The following BRINP3 variants were observed in gnomAD, a reference collection of about 807,000 sequenced individuals.
BRINP3 encodes the protein BMP/retinoic acid inducible neural specific 3.
Under a neutral mutation model 71.0 loss-of-function variants are expected in BRINP3, and 19 were observed. The ratio of observed to expected loss-of-function variants is 0.27; its 90% CI spans 0.19 to 0.39. BRINP3 has a LOEUF of 0.39. Ranked by LOEUF, BRINP3 falls within the 10% of genes least tolerant of loss-of-function variation. BRINP3 has a pLI of 1.00. For synonymous variants in BRINP3, 380 were observed against 337.7 expected, an observed-to-expected ratio of 1.13 and a Z score of -1.37; for missense variants, 959 against 940.8, an observed-to-expected ratio of 1.02 and a Z score of -0.25.
At chr1:190,206,685 C>T (rs1170792889) in intron 6 of BRINP3, among the ~76,000 whole-genome samples, 2 of 152,000 alleles carry the variant, frequency 1.3e-5, no homozygotes, top group Admixed American at 6.6e-5. Context: ...TCTGTTAATA[C>T]GGCTTTTTGT....
At chr1:190,302,920 T>C (rs972634500) in intron 2 of BRINP3, 1 of 151,784 alleles carries the variant, frequency 6.6e-6, no homozygotes, top group Non-Finnish European at 1.5e-5. Flanking sequence ...ATGATAATAA[T>C]AATAATCTTT....
intron 2 of BRINP3, among the ~76,000 whole-genome samples, chr1:190,347,277 A>G (rs1417896363): frequency 6.6e-6 from 1 of 152,012 alleles, no homozygotes; most frequent in Non-Finnish European, 1.5e-5. Context: ...AGTAGCTGGG[A>G]CTTCAGGTGC....
intron 2 of BRINP3, among the ~76,000 whole-genome samples, chr1:190,412,729 T>C (rs1012341603): frequency 6.6e-6 from 1 of 151,978 alleles, no homozygotes; most frequent in Non-Finnish European, 1.5e-5. Context: ...CCCAAAGTGC[T>C]GGGATTACAG....
At chr1:190,213,553 C>T (rs530756160) in intron 6 of BRINP3, among the ~76,000 whole-genome samples, 32 of 152,118 alleles carry the variant, frequency 2.1e-4, no homozygotes, top group Admixed American at 1.0e-3. Flanking sequence ...AATAAAATTA[C>T]GAACTGAGTT....
intron 2 of BRINP3, among the ~76,000 whole-genome samples, chr1:190,307,271 T>TG (rs1027970044): frequency 9.6e-5 from 12 of 125,586 alleles, no homozygotes; most frequent in African/African-American, 2.1e-4. Flanking sequence ...TTTTTTTTTT[T>TG]TTTTTTTTTT....
At chr1:190,248,750 A>G (rs1357262657) in intron 4 of BRINP3, among the ~76,000 whole-genome samples, 1 of 151,240 alleles carries the variant, frequency 6.6e-6, no homozygotes, top group Non-Finnish European at 1.5e-5. Flanking sequence ...ATACATTCAA[A>G]CACACACACA....
chr1:190,331,322 T>A (rs1248489013), intron 2 of BRINP3, among the ~76,000 whole-genome samples: 2 of 152,034 alleles, frequency 1.3e-5, no homozygotes, highest in African/African-American at 4.8e-5. Context: ...GACTTTTTTT[T>A]AACCTATGCA....
chr1:190,438,498 A>G (rs1337181420), intron 2 of BRINP3, among the ~76,000 whole-genome samples: 2 of 151,958 alleles, frequency 1.3e-5, no homozygotes, highest in Non-Finnish European at 3.0e-5. Context: ...CTTTGGGGAA[A>G]CTTATACTGT....
At chr1:190,148,819 T>C (rs1327140790) in intron 7 of BRINP3, among the ~76,000 whole-genome samples, 1 of 152,156 alleles carries the variant, frequency 6.6e-6, no homozygotes, top group Non-Finnish European at 1.5e-5. Context: ...TATTACTTAA[T>C]GTTTTTTGCA....
intron 2 of BRINP3, among the ~76,000 whole-genome samples, chr1:190,341,061 G>T (rs969219384): frequency 6.6e-6 from 1 of 151,808 alleles, no homozygotes; most frequent in African/African-American, 2.4e-5. Context: ...CTAATTATCT[G>T]CTTGAGATAA....
intron 2 of BRINP3, among the ~76,000 whole-genome samples, chr1:190,423,560 T>C (rs1673515242): frequency 6.6e-6 from 1 of 151,858 alleles, no homozygotes; most frequent in South Asian, 2.1e-4. Context: ...TTTGGCAATT[T>C]GACAAGAAAA....
At chr1:190,147,643 G>A (rs1466977784) in intron 7 of BRINP3, among the ~76,000 whole-genome samples, 5 of 152,148 alleles carry the variant, frequency 3.3e-5, no homozygotes, top group Non-Finnish European at 2.9e-5. Flanking sequence ...CCTTTCCAGT[G>A]AGGAAAACAA....
In BRINP3 at chr1:190,208,114, AT is replaced by A. The variant is rs113959694; in HGVS notation, c.961+17967del. Among the ~76,000 whole-genome samples, 826 of 148,044 alleles carry A rather than the reference AT, an allele frequency of 5.6e-3. 10 individuals carry two copies. Among genetic ancestry groups the A allele is most frequent in the African/African-American group, 0.016 (646 of 40,566 alleles). ...AGGTAAGCACTACTACACCTGGTTAATTTTTTTTTTTATTTTTTTTATTTTT... is the reference window on the plus strand; with the variant it reads ...AGGTAAGCACTACTACACCTGGTTAATTTTTTTTTTATTTTTTTTATTTTT... On this transcript the variant is annotated intron_variant, in intron 6 of 7. Coordinates refer to ENST00000367462, the MANE Select transcript of BRINP3 (RefSeq NM_199051.3).
chr1:190,450,682 GT>G (rs934085274), intron 2 of BRINP3, among the ~76,000 whole-genome samples: 3 of 151,888 alleles, frequency 2.0e-5, no homozygotes, highest in South Asian at 2.1e-4. Context: ...ATATTATGAA[GT>G]TTTTTTCCTC....
chr1:190,450,693 CT>C (rs1223524116), intron 2 of BRINP3, among the ~76,000 whole-genome samples: 1 of 151,978 alleles, frequency 6.6e-6, no homozygotes, highest in African/African-American at 2.4e-5. Context: ...TTTTTTTCCT[CT>C]GTTTTCTTCT....
chr1:190,202,961 C>T (rs749839109), intron 6 of BRINP3, among the ~76,000 whole-genome samples: 2 of 152,060 alleles, frequency 1.3e-5, no homozygotes, highest in Non-Finnish European at 2.9e-5. Flanking sequence ...ATACAGAATG[C>T]ATGAACAGAT....
Position 190,238,424 on chromosome 1 carries a change from C to T in BRINP3, c.619-3947G>A, listed in dbSNP as rs187950473. On this transcript the variant is annotated intron_variant, in intron 4 of 7. Coordinates refer to ENST00000367462, the MANE Select transcript of BRINP3 (RefSeq NM_199051.3). Reference sequence around the variant, plus strand: ...CAATTCATATATACAGCAAATGGCTCATATCTAGAATATATAAATAAATTC... The same window carrying T: ...CAATTCATATATACAGCAAATGGCTTATATCTAGAATATATAAATAAATTC... Among the ~76,000 whole-genome samples the T allele has an allele frequency of 3.9e-3, 595 of 151,992 alleles. 2 individuals are homozygous for T. The highest frequency in any genetic ancestry group is 6.4e-3 in the Non-Finnish European group (436 of 67,960).
chr1:190,235,058 C>A lies in BRINP3; in HGVS notation c.619-581G>T, dbSNP rs1047122259. ...CTTTGCTTATACAACATCCTCCACTCCCACCTCACTTGGATTAGAAACTTC... is the reference window on the plus strand; with the variant it reads ...CTTTGCTTATACAACATCCTCCACTACCACCTCACTTGGATTAGAAACTTC... On this transcript the variant is annotated intron_variant, in intron 4 of 7. Transcript: ENST00000367462. Among the ~76,000 whole-genome samples the A allele has an allele frequency of 2.2e-4, 33 of 152,030 alleles. 1 individual carries two copies. The highest frequency in any genetic ancestry group is 2.2e-3 in the Admixed American group (33 of 15,236).
chr1:190,324,762 C>A (rs1268479566), intron 2 of BRINP3, among the ~76,000 whole-genome samples: 2 of 151,600 alleles, frequency 1.3e-5, no homozygotes, highest in Non-Finnish European at 2.9e-5. Flanking sequence ...AATCACAAAG[C>A]AATGATTGTC....
Sources: allele counts gnomAD v4.1 joint callset (sites outside exome capture counted in the v4.1 genomes callset), GRCh38; gene constraint gnomAD v4.1.1; transcripts MANE v1.5; gene names NCBI Gene and HGNC (gene_info 2026-07-23, HGNC 2026-07-21).